TBC1D1: variants seen among roughly 807,000 people sequenced by gnomAD.
The protein encoded by TBC1D1 is TBC1 (tre-2/USP6, BUB2, cdc16) domain family, member 1.
Under a neutral mutation model 125.6 loss-of-function variants are expected in TBC1D1, and 89 were observed. That is an observed-to-expected ratio of 0.71 (90% CI 0.60 to 0.85). The LOEUF is 0.85. Ranked by LOEUF, TBC1D1 falls within the 40% of genes least tolerant of loss-of-function variation. The probability of loss-of-function intolerance (pLI) is 0.00; values close to 1 mark genes in which losing one functional copy is unlikely to be tolerated. For missense variants in TBC1D1, 1,377 were observed against 1,469.2 expected, an observed-to-expected ratio of 0.94 and a Z score of 1.03; for synonymous variants, 565 against 564.1, an observed-to-expected ratio of 1.00 and a Z score of -0.02.
chr4:38,093,708 G>T (rs990055835), intron 13 of TBC1D1, among the ~76,000 whole-genome samples: 6 of 151,918 alleles, frequency 3.9e-5, no homozygotes, highest in African/African-American at 1.2e-4. Flanking sequence ...AGTAGTAGTA[G>T]TAGTAGTAGA....
At chr4:37,920,964 G>A (rs535666355) in intron 2 of TBC1D1, among the ~76,000 whole-genome samples, 1 of 151,960 alleles carries the variant, frequency 6.6e-6, no homozygotes, top group East Asian at 1.9e-4. Context: ...CAAAAAATTA[G>A]CCAGGCATGG....
chr4:37,928,639 T>C (rs1722635482), intron 2 of TBC1D1, among the ~76,000 whole-genome samples: 1 of 152,248 alleles, frequency 6.6e-6, no homozygotes, highest in Admixed American at 6.5e-5. Flanking sequence ...ACCTTGATTT[T>C]GCAGCTTGTC....
intron 8 of TBC1D1, among the ~76,000 whole-genome samples, chr4:38,041,835 T>A (rs990119374): frequency 1.3e-5 from 2 of 152,002 alleles, no homozygotes; most frequent in Non-Finnish European, 2.9e-5. Context: ...TGTGGGGAAG[T>A]AGTGGTGATT....
intron 2 of TBC1D1, among the ~76,000 whole-genome samples, chr4:37,903,752 A>C (rs1466679062): frequency 6.6e-6 from 1 of 152,128 alleles, no homozygotes; most frequent in East Asian, 1.9e-4. Context: ...GTTGGAGATG[A>C]TATTAGCAGA....
At chr4:38,050,024 A>G in intron 11 of TBC1D1, 126 bp downstream of exon 11, 2 of 1,106,880 alleles carry the variant, frequency 1.8e-6, no homozygotes, top group Non-Finnish European at 1.3e-6. Context: ...GTTTGGAGAT[A>G]AAACTGGAAG....
intron 2 of TBC1D1, among the ~76,000 whole-genome samples, chr4:37,980,079 A>G (rs775898748): frequency 6.6e-6 from 1 of 152,242 alleles, no homozygotes; most frequent in Non-Finnish European, 1.5e-5. Context: ...GCCCCCGGCC[A>G]AGCATGAATG....
chr4:37,924,498 A>T (rs1721663976), intron 2 of TBC1D1, among the ~76,000 whole-genome samples: 1 of 152,018 alleles, frequency 6.6e-6, no homozygotes, highest in Non-Finnish European at 1.5e-5. Flanking sequence ...TCATCATCCC[A>T]CCAGAAACTC....
At chr4:38,110,669 AT>A in intron 15 of TBC1D1, 1 of 985,272 alleles carries the variant, frequency 1.0e-6, no homozygotes, top group Non-Finnish European at 1.2e-6. Flanking sequence ...TCCCATTCTC[AT>A]TTTATATGTG....
chr4:37,968,212 A>G (rs935689077), intron 2 of TBC1D1, among the ~76,000 whole-genome samples: 12 of 152,144 alleles, frequency 7.9e-5, no homozygotes, highest in African/African-American at 2.9e-4. Context: ...AGTGTTACTT[A>G]CAAGGAGAAA....
intron 2 of TBC1D1, among the ~76,000 whole-genome samples, chr4:37,948,771 C>T (rs1727252093): frequency 6.6e-6 from 1 of 152,144 alleles, no homozygotes; most frequent in African/African-American, 2.4e-5. Flanking sequence ...CTGTCACCCC[C>T]CGTCTTCCTC....
At position 38,096,137 on chromosome 4, in the gene TBC1D1, G is replaced by A. The variant is rs201548390; in HGVS notation, c.2398+47G>A. 2.0e-6 allele frequency: 3 copies of A among 1,517,346 alleles called. No individual in the cohort carries two copies. In the South Asian group the frequency reaches 3.6e-5, roughly 18 times the overall value. The allele number at this position is 1,517,346 out of a possible 1,614,324, so 94.0% of individuals were successfully genotyped here. On this transcript the variant is annotated intron_variant, in intron 14 of 19. Coordinates refer to ENST00000261439, the MANE Select transcript of TBC1D1 (RefSeq NM_015173.4). ...CTAGTCAACCTCACCCCTCATTGGT[G>A]ATTGGGGAGAAGTGTGGAATTAAAA...
At position 37,905,928 on chromosome 4, in the gene TBC1D1, A is replaced by C. The variant is rs1372776560; in HGVS notation, c.417+3416A>C. 3.3e-5 allele frequency among the ~76,000 whole-genome samples: 5 copies of C among 152,152 alleles called. 1 individual carries two copies. The highest frequency in any genetic ancestry group is 3.3e-4 in the Admixed American group (5 of 15,268). ...GAAACTCTGCTCTTGTCTGCAGCTGATCTGAGGGCAATGGTTTTGGCACCC... is the reference window on the plus strand; with the variant it reads ...GAAACTCTGCTCTTGTCTGCAGCTGCTCTGAGGGCAATGGTTTTGGCACCC... On this transcript the variant is annotated intron_variant, in intron 2 of 19. Coordinates refer to ENST00000261439, the MANE Select transcript of TBC1D1 (RefSeq NM_015173.4).
At chr4:38,099,278 G>T (rs1250575135) in intron 14 of TBC1D1, among the ~76,000 whole-genome samples, 1 of 152,172 alleles carries the variant, frequency 6.6e-6, no homozygotes, top group East Asian at 1.9e-4. Flanking sequence ...GACACCATAA[G>T]TAGATCTGTA....
At chr4:38,047,496 C>T (rs1323235987) in intron 10 of TBC1D1, among the ~76,000 whole-genome samples, 1 of 152,122 alleles carries the variant, frequency 6.6e-6, no homozygotes, top group Non-Finnish European at 1.5e-5. Flanking sequence ...CGTCCAGCCT[C>T]CATCTAATAC....
intron 2 of TBC1D1, among the ~76,000 whole-genome samples, chr4:37,943,267 C>T (rs1725963491): frequency 6.6e-6 from 1 of 152,190 alleles, no homozygotes; most frequent in African/African-American, 2.4e-5. Flanking sequence ...CTGCCCTTAA[C>T]ATTTTTTCCT....
chr4:38,096,132 T>C (rs1560780831), intron 14 of TBC1D1, 42 bp downstream of exon 16: 4 of 1,539,572 alleles, frequency 2.6e-6, no homozygotes, highest in African/African-American at 1.4e-5. Flanking sequence ...TCACCCCTCA[T>C]TGGTGATTGG....
At chr4:37,961,381 T>G (rs1442811570) in intron 2 of TBC1D1, among the ~76,000 whole-genome samples, 1 of 152,164 alleles carries the variant, frequency 6.6e-6, no homozygotes, top group African/African-American at 2.4e-5. Flanking sequence ...AGGGAGATAA[T>G]TAAAAGAATG....
chr4:37,971,702 G>T (rs1212699719), intron 2 of TBC1D1, among the ~76,000 whole-genome samples: 1 of 152,074 alleles, frequency 6.6e-6, no homozygotes, highest in African/African-American at 2.4e-5. Flanking sequence ...TTAAAGTAAA[G>T]GATCTAAAAC....
chr4:38,035,528 C>T (rs553112525), intron 7 of TBC1D1, 60 bp from the exon 8 acceptor site: 10 of 1,372,694 alleles, frequency 7.3e-6, no homozygotes, highest in South Asian at 3.6e-5. Context: ...TTTAAAAAGA[C>T]GGCTTAGCAA....
Sources: allele counts gnomAD v4.1 joint callset (sites outside exome capture counted in the v4.1 genomes callset), GRCh38; gene constraint gnomAD v4.1.1; transcripts MANE v1.5; gene names NCBI Gene and HGNC (gene_info 2026-07-23, HGNC 2026-07-21).